Variants in RAB7A observed in about 807,000 individuals in gnomAD.
The protein encoded by RAB7A is RAB7A, member RAS oncogene family.
In RAB7A, 2 loss-of-function variants were observed where a neutral mutation model predicts 24.5. The observed-to-expected ratio is 0.08, with a 90% CI of 0.03 to 0.26. The LOEUF is 0.26. RAB7A is among the 10% of genes least tolerant of loss of function. RAB7A has a pLI of 1.00. For synonymous variants in RAB7A, 100 were observed against 95.9 expected (o/e 1.04, Z -0.25); for missense variants, 118 against 255.7 (o/e 0.46, Z 3.67).
At chr3:128,794,960 G>C (rs1933534875) in intron 1 of RAB7A, among the ~76,000 whole-genome samples, 1 of 152,078 alleles carries the variant, frequency 6.6e-6, no homozygotes, top group Admixed American at 6.6e-5. Context: ...GAGAGCAAAT[G>C]AGGGGTTATG....
intron 1 of RAB7A, among the ~76,000 whole-genome samples, chr3:128,737,771 C>T (rs1192256398): frequency 2.7e-5 from 4 of 150,626 alleles, no homozygotes; most frequent in Admixed American, 6.6e-5. Flanking sequence ...ATCTCAACTT[C>T]CCCAGTAGCT....
rs190549965 is a variant in RAB7A, at chr3:128,791,575, G to A, written c.-8-3785G>A. 5.9e-5 allele frequency among the ~76,000 whole-genome samples: 9 copies of A among 152,302 alleles called. No homozygotes were observed. In the East Asian group the frequency reaches 1.7e-3, roughly 29 times the overall value. ...TCTGTTTCCCTGGGAGCTAGATAAG[G>A]CAGAACATAACATTTGTTTCTGGGC... On this transcript the variant is annotated intron_variant, in intron 1 of 5. Transcript: ENST00000265062.
intron 2 of RAB7A, 49 bp from the exon 3 acceptor site, chr3:128,797,894 T>G (rs762443384): frequency 1.2e-6 from 2 of 1,603,792 alleles, no homozygotes; most frequent in African/African-American, 2.7e-5. Flanking sequence ...CGTGTCAGTT[T>G]CAGGACCCTC....
intron 1 of RAB7A, among the ~76,000 whole-genome samples, chr3:128,774,201 T>TA (rs796939918): frequency 7.5e-4 from 100 of 132,854 alleles, no homozygotes; most frequent in East Asian, 1.3e-3. Context: ...AAAAAAAAAT[T>TA]AAAAAAAAAA....
At position 128,814,297 on chromosome 3, in the gene RAB7A, C is replaced by T. The variant is rs1933992322; in HGVS notation, c.*875C>T. 6.5e-6 allele frequency: 1 copy of T among 152,786 alleles called. No homozygotes were observed. Among genetic ancestry groups the T allele is most frequent in the Non-Finnish European group, 1.5e-5 (1 of 68,088 alleles). The allele number at this position is 152,786 out of a possible 1,614,324, so 9.5% of individuals were successfully genotyped here. On this transcript the variant is annotated 3_prime_UTR_variant, in exon 6 of 6. Coordinates refer to ENST00000265062, the MANE Select transcript of RAB7A (RefSeq NM_004637.6). ...GCTTTTCATCTCTCCAGGGGGAAAA[C>T]TGTCTAGTTCCCTTCTGTGTCTAAA...
intron 3 of RAB7A, 113 bp from the exon 4 acceptor site, chr3:128,806,259 G>T (rs558425533): frequency 1.1e-4 from 99 of 883,070 alleles, no homozygotes; most frequent in Non-Finnish European, 1.6e-4. Flanking sequence ...GGTGTCATTT[G>T]TCTTTGTGGG....
At chr3:128,726,405 C>G (rs759120876) in intron 1 of RAB7A, 46 bp downstream of exon 1, 39 of 152,462 alleles carry the variant, frequency 2.6e-4, no homozygotes, top group South Asian at 6.2e-4. Flanking sequence ...CCCATCCCCC[C>G]CCTCAGCCCC....
chr3:128,777,077 A>G (rs984160597), intron 1 of RAB7A, among the ~76,000 whole-genome samples: 5 of 152,064 alleles, frequency 3.3e-5, no homozygotes, highest in Admixed American at 6.6e-5. Flanking sequence ...TTTTCTTGCA[A>G]TTGAGTTGCT....
At chr3:128,782,166 A>G (rs1933235853) in intron 1 of RAB7A, among the ~76,000 whole-genome samples, 1 of 152,176 alleles carries the variant, frequency 6.6e-6, no homozygotes, top group Admixed American at 6.5e-5. Flanking sequence ...GTTACCTACA[A>G]TAGGGACTGT....
chr3:128,742,207 C>T (rs2070561545), intron 1 of RAB7A, among the ~76,000 whole-genome samples: 1 of 151,070 alleles, frequency 6.6e-6, no homozygotes, highest in Non-Finnish European at 1.5e-5. Context: ...TTCCTCCCGT[C>T]TAGAGTTGTT....
At chr3:128,740,273 C>G (rs1343637982) in intron 1 of RAB7A, among the ~76,000 whole-genome samples, 2 of 145,240 alleles carry the variant, frequency 1.4e-5, no homozygotes, top group Non-Finnish European at 3.0e-5. Flanking sequence ...CCCAGCTACT[C>G]TGGAGGCTGA....
intron 1 of RAB7A, among the ~76,000 whole-genome samples, chr3:128,727,742 CTCTT>C (rs1183755715): frequency 6.6e-6 from 1 of 152,168 alleles, no homozygotes; most frequent in Non-Finnish European, 1.5e-5. Flanking sequence ...GGACTCTTGT[CTCTT>C]TCTTGTGACT....
chr3:128,737,594 C>T (rs568264460), intron 1 of RAB7A, among the ~76,000 whole-genome samples: 1 of 151,786 alleles, frequency 6.6e-6, no homozygotes, highest in East Asian at 2.0e-4. Context: ...AATCTGCTTG[C>T]CTCAGCCTCC....
intron 1 of RAB7A, among the ~76,000 whole-genome samples, chr3:128,751,261 A>G (rs955610413): frequency 2.0e-5 from 3 of 152,164 alleles, no homozygotes; most frequent in Admixed American, 6.5e-5. Flanking sequence ...CCAGAATAGT[A>G]GATGCACCAA....
intron 1 of RAB7A, among the ~76,000 whole-genome samples, chr3:128,789,388 C>T (rs200204229): frequency 5.4e-5 from 8 of 148,854 alleles, no homozygotes; most frequent in African/African-American, 1.5e-4. Flanking sequence ...CAGGCTGGAG[C>T]GCAGTGATGC....
intron 1 of RAB7A, among the ~76,000 whole-genome samples, chr3:128,749,850 A>C (rs1246700830): frequency 2.6e-5 from 4 of 152,236 alleles, no homozygotes; most frequent in Non-Finnish European, 5.9e-5. Flanking sequence ...TTGCCCAGTC[A>C]TGGGTATGTC....
intron 5 of RAB7A, among the ~76,000 whole-genome samples, chr3:128,810,295 C>T (rs1268507166): frequency 1.3e-5 from 2 of 152,076 alleles, no homozygotes; most frequent in Non-Finnish European, 2.9e-5. Context: ...TCCTCTCTTA[C>T]CTTCCACACC....
chr3:128,763,225 T>G lies in RAB7A; in HGVS notation c.-8-32135T>G, dbSNP rs1479457250. Among the ~76,000 whole-genome samples the G allele has an allele frequency of 3.0e-5, 4 of 131,342 alleles. No individual in the cohort carries two copies. The East Asian group carries it at 6.6e-4, about 22-fold the overall frequency. The allele number at this position is 131,342 out of a possible 152,430, so 86.2% of individuals were successfully genotyped here. On this transcript the variant is annotated intron_variant, in intron 1 of 5. Coordinates refer to ENST00000265062, the MANE Select transcript of RAB7A (RefSeq NM_004637.6). ...ATATATATATTTTTTTTTTTTTTTT[T>G]TTTTTTTGAGACGGAGTCTCGCTCT...
chr3:128,741,775 TAC>T (rs902365870), intron 1 of RAB7A, among the ~76,000 whole-genome samples: 17 of 152,218 alleles, frequency 1.1e-4, no homozygotes, highest in Non-Finnish European at 2.5e-4. Context: ...TATACGTATA[TAC>T]ACAGATACAT....
Sources: gnomAD v4.1 joint callset for allele counts (sites outside exome capture counted in the v4.1 genomes callset) on GRCh38, gnomAD v4.1.1 for gene constraint, MANE v1.5 for transcripts, NCBI Gene and HGNC (gene_info 2026-07-23, HGNC 2026-07-21) for gene names.